The following CD46 variants were observed in gnomAD, a reference collection of about 807,000 sequenced individuals.
CD46 encodes CD46 molecule, also known as membrane cofactor protein.
In CD46, 30 loss-of-function variants were observed where a neutral mutation model predicts 53.3. That is an observed-to-expected ratio of 0.56 (90% CI 0.42 to 0.76). CD46 has a LOEUF of 0.76. Among genes scored for constraint, CD46 ranks in the 30% least tolerant of loss-of-function variants. The probability of loss-of-function intolerance (pLI) is 0.00; values close to 1 mark genes in which losing one functional copy is unlikely to be tolerated. For missense variants in CD46, 409 were observed against 463.0 expected (o/e 0.88, Z 1.07); for synonymous variants, 142 against 152.0 (o/e 0.93, Z 0.48).
At chr1:207,777,363 G>T (rs1453595040) in intron 8 of CD46, among the ~76,000 whole-genome samples, 1 of 151,882 alleles carries the variant, frequency 6.6e-6, no homozygotes, top group Admixed American at 6.6e-5. Context: ...TAGATTTGGG[G>T]GTACAGGTGA....
rs183641125 is a variant in CD46 at position 207,771,494 on chromosome 1, T to G, written c.943+1132T>G. 3.4e-3 allele frequency among the ~76,000 whole-genome samples: 513 copies of G among 152,336 alleles called. 5 individuals carry two copies. Among genetic ancestry groups the G allele is most frequent in the African/African-American group, 0.012 (482 of 41,566 alleles). On this transcript the variant is annotated intron_variant, in intron 8 of 12. Coordinates refer to ENST00000367042, the MANE Select transcript of CD46 (RefSeq NM_172351.3). ...CCCGTGCCTATGTCCTGAATGGTAT[T>G]GCCTAGGTTTTCTTGTTGGGTTTTT...
chr1:207,756,655 A>G (rs1571576821), intron 1 of CD46, among the ~76,000 whole-genome samples: 3 of 152,226 alleles, frequency 2.0e-5, no homozygotes, highest in African/African-American at 4.8e-5. Flanking sequence ...TGAGCAGAGT[A>G]CTCTATACTG....
Position 207,767,042 on chromosome 1 carries a change from A to C in CD46, c.703A>C (p.Asn235His), listed in dbSNP as rs1334882938. The change falls in exon 6 of 13, where the codon AAT becomes CAT. Residue 235 changes from asparagine to histidine, a missense_variant. Physicochemically the swap from Asn to His is moderately conservative, Grantham distance 68. Coordinates refer to ENST00000367042, the MANE Select transcript of CD46 (RefSeq NM_172351.3). The stretch of plus-strand genomic sequence containing the variant: ...CAAATGTCGATTTCCAGTAGTCGAA[A>C]ATGGAAAACAGATATCAGGATTTGG... ...VVKCRFPVVENGKQISGFGKK... is the reference protein window; with the variant it reads ...VVKCRFPVVEHGKQISGFGKK... 1.9e-6 allele frequency: 3 copies of C among 1,613,702 alleles called. No individual in the cohort carries two copies. The highest frequency in any genetic ancestry group is 2.7e-5 in the African/African-American group (2 of 74,914).
chr1:207,781,148 A>G (rs750965167), intron 8 of CD46, among the ~76,000 whole-genome samples: 16 of 149,318 alleles, frequency 1.1e-4, no homozygotes, highest in Non-Finnish European at 2.1e-4. Context: ...ATAGATATGA[A>G]GTAGATATGC....
intron 7 of CD46, chr1:207,770,064 C>T (rs1007930914): frequency 1.8e-5 from 8 of 448,984 alleles, no homozygotes; most frequent in African/African-American, 1.6e-4. Context: ...CCACACCCAT[C>T]CTCACATTAC....
chr1:207,778,314 C>T (rs1658340073), intron 8 of CD46, among the ~76,000 whole-genome samples: 1 of 152,052 alleles, frequency 6.6e-6, no homozygotes, highest in African/African-American at 2.4e-5. Flanking sequence ...TCAATTTTTG[C>T]TTGTGTTGCG....
At chr1:207,786,687 G>A (rs927091960) in intron 11 of CD46, among the ~76,000 whole-genome samples, 3 of 151,962 alleles carry the variant, frequency 2.0e-5, no homozygotes, top group African/African-American at 7.3e-5. Context: ...ATCAGGTTTG[G>A]GCTAAGTCAT....
intron 9 of CD46, among the ~76,000 whole-genome samples, chr1:207,784,437 T>C (rs1420383254): frequency 1.3e-5 from 2 of 152,200 alleles, no homozygotes; most frequent in Admixed American, 6.5e-5. Flanking sequence ...ACTTTACCGC[T>C]AAATAACCTG....
At chr1:207,753,617 G>A (rs539465571) in intron 1 of CD46, among the ~76,000 whole-genome samples, 20 of 152,222 alleles carry the variant, frequency 1.3e-4, no homozygotes, top group African/African-American at 4.6e-4. Context: ...GCTGCAGTGA[G>A]CTGTGATCAT....
At chr1:207,770,459 T>G (rs1048195821) in intron 8 of CD46, 97 bp downstream of exon 8, 2 of 869,552 alleles carry the variant, frequency 2.3e-6, no homozygotes, top group Middle Eastern at 3.5e-4. Context: ...AGCGTGCAGG[T>G]TTGTTACATA....
At position 207,752,226 on chromosome 1, in the gene CD46, G is replaced by C; in HGVS notation, c.14G>C (p.Gly5Ala). The C allele has an allele frequency of 6.2e-7, 1 of 1,613,968 alleles. No homozygotes were observed. The highest frequency in any genetic ancestry group is 8.5e-7 in the Non-Finnish European group (1 of 1,179,998). ...TCCGCGCCGCGCATGGAGCCTCCCG[G>C]CCGCCGCGAGTGTCCCTTTCCTTCC... is the stretch of plus-strand genomic sequence containing the variant. The part of the protein sequence containing the change: MEPP[G>A]RRECPFPSWR... The change falls in exon 1 of 13, where the codon GGC becomes GCC. Residue 5 changes from glycine (G) to alanine (A), a missense_variant. By Grantham distance (60) the Gly-to-Ala change is moderately conservative. Coordinates refer to ENST00000367042, the MANE Select transcript of CD46 (RefSeq NM_172351.3). This position sits in a 1 kb window ranked among gnomAD's most constrained non-coding sequence, Gnocchi z 4.1.
At chr1:207,765,129 A>G (rs186539021) in intron 5 of CD46, among the ~76,000 whole-genome samples, 2 of 152,360 alleles carry the variant, frequency 1.3e-5, no homozygotes, top group East Asian at 3.9e-4. Flanking sequence ...TGAATGCAAG[A>G]TTAGTTCAAA....
intron 1 of CD46, 107 bp from the exon 2 acceptor site, chr1:207,756,907 A>G (rs1655604142): frequency 1.2e-6 from 1 of 864,816 alleles, no homozygotes; most frequent in Admixed American, 1.8e-5. Context: ...AAATCTTGCC[A>G]AGGGCCTTTC....
At chr1:207,777,496 C>T (rs145251185) in intron 8 of CD46, among the ~76,000 whole-genome samples, 3 of 152,258 alleles carry the variant, frequency 2.0e-5, no homozygotes, top group Admixed American at 6.5e-5. Context: ...CCCACCCTCC[C>T]CGGTCAAGTA....
In CD46 at chr1:207,785,483, T is replaced by TG. The variant is rs2102689281; in HGVS notation, c.1019-134dup. 9.3e-6 allele frequency: 7 copies of TG among 755,662 alleles called. No homozygotes were observed. In the South Asian group the frequency reaches 9.9e-5, roughly 11 times the overall value. 46.8% of individuals were successfully genotyped at this position (755,662 alleles called of 1,614,324 possible). ...GGATTTAGATAGCAAAGAGTCTGGA[T>TG]GGAATATAAATGTGTAGGTGCTTAA... is the stretch of plus-strand genomic sequence containing the variant. On this transcript the variant is annotated intron_variant, in intron 10 of 12. Coordinates refer to ENST00000367042, the MANE Select transcript of CD46 (RefSeq NM_172351.3).
intron 6 of CD46, 148 bp downstream of exon 6, chr1:207,767,343 A>T: frequency 1.3e-6 from 1 of 786,692 alleles, no homozygotes; most frequent in African/African-American, 1.7e-5. Context: ...ATTCATTTCT[A>T]TGCCAGATGA....
intron 2 of CD46, 72 bp downstream of exon 2, chr1:207,757,274 A>T: frequency 7.8e-7 from 1 of 1,278,880 alleles, no homozygotes. Flanking sequence ...TACATATTCC[A>T]CTACGGTGAT....
intron 8 of CD46, among the ~76,000 whole-genome samples, chr1:207,771,223 C>A (rs1310417430): frequency 3.3e-5 from 5 of 152,152 alleles, no homozygotes; most frequent in Non-Finnish European, 5.9e-5. Context: ...TGTTCATATC[C>A]TTTGCCCACT....
chr1:207,769,849 G>A (rs1046232823), intron 7 of CD46: 6 of 162,938 alleles, frequency 3.7e-5, no homozygotes, highest in South Asian at 1.6e-4. Context: ...TGCAACCTCC[G>A]CCTCCCGGGT....
Sources: gnomAD v4.1 joint callset for allele counts (sites outside exome capture counted in the v4.1 genomes callset) on GRCh38, gnomAD v4.1.1 for gene constraint, Gnocchi (gnomAD v3.1) non-coding constraint, MANE v1.5 for transcripts, NCBI Gene and HGNC (gene_info 2026-07-23, HGNC 2026-07-21) for gene names.